Variants in IL1RAP observed in about 807,000 individuals in gnomAD.
IL1RAP encodes interleukin-1 receptor accessory protein.
In IL1RAP, 35 loss-of-function variants were observed where a neutral mutation model predicts 60.7. That is an observed-to-expected ratio of 0.58 (90% CI 0.44 to 0.76). The LOEUF (loss-of-function observed/expected upper bound fraction) is 0.76. Among genes scored for constraint, IL1RAP ranks in the 30% least tolerant of loss-of-function variants. The pLI is 0.00. For missense variants in IL1RAP, 572 were observed against 693.9 expected (o/e 0.82, Z 1.97); for synonymous variants, 268 against 250.9 (o/e 1.07, Z -0.64).
intron 1 of IL1RAP, among the ~76,000 whole-genome samples, chr3:190,550,055 C>A (rs1724728449): frequency 6.6e-6 from 1 of 152,274 alleles, no homozygotes; most frequent in South Asian, 2.1e-4. Context: ...TGAGTCCTGG[C>A]AGCCTTGGCA....
In IL1RAP at chr3:190,649,628, C is replaced by T. The variant is rs1734272447; in HGVS notation, c.*923C>T. On this transcript the variant is annotated 3_prime_UTR_variant, in exon 12 of 12. Transcript: ENST00000447382. Reference sequence around the variant, plus strand: ...ATTTGTCTTTTAAGTCTTAACCTTGCTAATGTGAATACTGGGAAAGTGATT... The same window carrying T: ...ATTTGTCTTTTAAGTCTTAACCTTGTTAATGTGAATACTGGGAAAGTGATT... 1 of 985,718 alleles carries T rather than the reference C, an allele frequency of 1.0e-6. No homozygotes were observed. Among genetic ancestry groups the T allele is most frequent in the Non-Finnish European group, 1.2e-6 (1 of 829,914 alleles). 61.1% of individuals were successfully genotyped at this position (985,718 alleles called of 1,614,324 possible).
intron 5 of IL1RAP, among the ~76,000 whole-genome samples, chr3:190,618,444 T>C (rs1427251639): frequency 6.6e-6 from 1 of 152,222 alleles, no homozygotes; most frequent in Non-Finnish European, 1.5e-5. Context: ...TGAAAGACCG[T>C]TATTCGGCTT....
In IL1RAP at chr3:190,648,263, A is replaced by C. The variant is rs1734176693; in HGVS notation, c.1346-75A>C. 20 of 1,515,890 alleles carry C rather than the reference A, an allele frequency of 1.3e-5. No individual in the cohort carries two copies. In the South Asian group the frequency reaches 2.7e-4, roughly 21 times the overall value. The allele number at this position is 1,515,890 out of a possible 1,614,324, so 93.9% of individuals were successfully genotyped here. On this transcript the variant is annotated intron_variant, in intron 11 of 11. Coordinates refer to ENST00000447382, the MANE Select transcript of IL1RAP (RefSeq NM_002182.4). ...TAGGCTGGTACCCTAAGTTCCCTAC[A>C]TTTGCTCCTCAAGCCTCAATGCTTT...
intron 3 of IL1RAP, among the ~76,000 whole-genome samples, chr3:190,591,817 C>T (rs1470103777): frequency 1.3e-5 from 2 of 151,980 alleles, no homozygotes; most frequent in Non-Finnish European, 2.9e-5. Context: ...GAAAAAAACC[C>T]CCACAAAAAC....
chr3:190,546,910 G>GC (rs1300558250), intron 1 of IL1RAP, among the ~76,000 whole-genome samples: 1 of 152,128 alleles, frequency 6.6e-6, no homozygotes, highest in Non-Finnish European at 1.5e-5. Context: ...TGAGAAAATC[G>GC]CCCCTTGAAA....
intron 3 of IL1RAP, among the ~76,000 whole-genome samples, chr3:190,577,300 T>C (rs575844404): frequency 5.3e-5 from 8 of 152,306 alleles, no homozygotes; most frequent in Non-Finnish European, 1.0e-4. Context: ...TTACCAACTG[T>C]GGCAGTTGTT....
rs147356483 is a variant in IL1RAP, at chr3:190,527,295, T to C, written c.-89+13076T>C. Among the ~76,000 whole-genome samples the C allele has an allele frequency of 1.7e-3, 253 of 152,282 alleles. 1 individual carries two copies. Among genetic ancestry groups the C allele is most frequent in the African/African-American group, 5.8e-3 (240 of 41,554 alleles). On this transcript the variant is annotated intron_variant, in intron 1 of 11. Transcript: ENST00000447382. ...TAGTTTCATTATCTCATTCAATCCT[T>C]ACTGCAGCCATGTACAAATTTTAGT...
chr3:190,618,808 G>A (rs935763804), intron 5 of IL1RAP, among the ~76,000 whole-genome samples: 4 of 152,012 alleles, frequency 2.6e-5, no homozygotes, highest in African/African-American at 7.2e-5. Flanking sequence ...GAGAAGCTGC[G>A]TTGAAAAAAA....
chr3:190,580,235 A>T (rs1344100597), intron 3 of IL1RAP, among the ~76,000 whole-genome samples: 1 of 152,190 alleles, frequency 6.6e-6, no homozygotes, highest in Non-Finnish European at 1.5e-5. Context: ...TTGCACTCTC[A>T]TATTCAACTG....
downstream of IL1RAP, chr3:190,656,452 T>C (rs948428744): frequency 2.0e-6 from 3 of 1,537,112 alleles, no homozygotes; most frequent in African/African-American, 4.1e-5. Flanking sequence ...CCAGCCCCAG[T>C]GGGAGACACA....
chr3:190,566,909 G>A (rs1368667449), intron 3 of IL1RAP, among the ~76,000 whole-genome samples: 1 of 152,166 alleles, frequency 6.6e-6, no homozygotes, highest in Non-Finnish European at 1.5e-5. Flanking sequence ...TCTTTCATGA[G>A]GCTCTCCCTG....
At chr3:190,583,200 T>G (rs1326875096) in intron 3 of IL1RAP, among the ~76,000 whole-genome samples, 1 of 152,250 alleles carries the variant, frequency 6.6e-6, no homozygotes, top group Non-Finnish European at 1.5e-5. Flanking sequence ...TGTGACCTTC[T>G]CTAGAATGAA....
At chr3:190,533,375 A>C (rs1348777308) in intron 1 of IL1RAP, among the ~76,000 whole-genome samples, 1 of 152,232 alleles carries the variant, frequency 6.6e-6, no homozygotes, top group Non-Finnish European at 1.5e-5. Flanking sequence ...AATCAAAATG[A>C]CATTTAAAGG....
At chr3:190,655,753 G>GCCGCC, downstream of IL1RAP, 1 of 636,614 alleles carries the variant, frequency 1.6e-6, no homozygotes, top group Non-Finnish European at 2.6e-6. Flanking sequence ...TTTTTGACTG[G>GCCGCC]GTAAATTATT....
chr3:190,579,988 G>A (rs1338711151), intron 3 of IL1RAP, among the ~76,000 whole-genome samples: 2 of 152,114 alleles, frequency 1.3e-5, no homozygotes, highest in Non-Finnish European at 2.9e-5. Context: ...TGATGCACCT[G>A]TGTGTGATTT....
chr3:190,645,940 G>A (rs910721518), intron 11 of IL1RAP, 98 bp downstream of exon 11: 5 of 1,000,274 alleles, frequency 5.0e-6, no homozygotes, highest in Non-Finnish European at 7.3e-6. Context: ...AGCATCTTTG[G>A]ATATTTAATG....
chr3:190,600,728 C>T (rs561097923), intron 3 of IL1RAP, among the ~76,000 whole-genome samples: 2 of 152,300 alleles, frequency 1.3e-5, no homozygotes, highest in Non-Finnish European at 2.9e-5. Context: ...AATGTACAAT[C>T]TTATACTCGG....
In IL1RAP at chr3:190,629,471, G is replaced by A; in HGVS notation, c.1024G>A (p.Ala342Thr). Residue 342 changes from alanine to threonine, a missense_variant, in exon 9 of 12, where the codon GCC becomes ACC. Physicochemically the swap from Ala to Thr is moderately conservative, Grantham distance 58. Coordinates refer to ENST00000447382, the MANE Select transcript of IL1RAP (RefSeq NM_002182.4). ...CHARSAKGEV[A>T]KAAKVKQKVP... ...TGCTAGAAGTGCCAAAGGCGAAGTT[G>A]CCAAAGCAGCCAAGGTGAAGCAGAA... 2 of 1,613,114 alleles carry A rather than the reference G, an allele frequency of 1.2e-6. No homozygotes were observed. The highest frequency in any genetic ancestry group is 2.2e-5 in the East Asian group (1 of 44,856).
chr3:190,627,253 T>G, intron 7 of IL1RAP, 70 bp from the exon 8 acceptor site: 3 of 1,187,200 alleles, frequency 2.5e-6, no homozygotes, highest in Non-Finnish European at 3.4e-6. Context: ...TTTGTCTTTG[T>G]TTTTTGTTTT....
Sources: allele counts gnomAD v4.1 joint callset (sites outside exome capture counted in the v4.1 genomes callset), GRCh38; gene constraint gnomAD v4.1.1; transcripts MANE v1.5; gene names NCBI Gene and HGNC (gene_info 2026-07-23, HGNC 2026-07-21).